REV3L: variants seen among roughly 807,000 people sequenced by gnomAD.
REV3L encodes DNA polymerase zeta catalytic subunit.
In REV3L, 69 loss-of-function variants were observed where a neutral mutation model predicts 299.4. The ratio of observed to expected loss-of-function variants is 0.23; its 90% CI spans 0.19 to 0.28. The LOEUF (loss-of-function observed/expected upper bound fraction) is 0.28. Among genes scored for constraint, REV3L ranks in the 10% least tolerant of loss-of-function variants. The pLI is 1.00. For synonymous variants in REV3L, 1,238 were observed against 1,271.4 expected (o/e 0.97, Z 0.56); for missense variants, 3,128 against 3,693.8 (o/e 0.85, Z 3.97).
At chr6:111,401,227 TTAAA>T (rs1309406720) in intron 4 of REV3L, among the ~76,000 whole-genome samples, 3 of 152,172 alleles carry the variant, frequency 2.0e-5, no homozygotes, top group African/African-American at 7.2e-5. Context: ...TCTCCATACT[TTAAA>T]AAAGGATTAT....
chr6:111,329,956 A>G (rs548771003), intron 24 of REV3L, among the ~76,000 whole-genome samples: 22 of 152,338 alleles, frequency 1.4e-4, no homozygotes, highest in African/African-American at 5.1e-4. Context: ...TTATAAATCT[A>G]ACAGAGCACT....
intron 1 of REV3L, among the ~76,000 whole-genome samples, chr6:111,419,907 C>T (rs374627462): frequency 1.3e-5 from 2 of 151,578 alleles, no homozygotes; most frequent in Non-Finnish European, 2.9e-5. Flanking sequence ...TGCAGTGTTG[C>T]GATCTCGGCT....
chr6:111,327,545 C>T (rs562616330), intron 25 of REV3L, among the ~76,000 whole-genome samples: 19 of 143,840 alleles, frequency 1.3e-4, no homozygotes, highest in Non-Finnish European at 2.1e-4. Flanking sequence ...TAAAGCAAGA[C>T]GCTGTTTCAA....
At chr6:111,336,389 A>G (rs551226036) in intron 21 of REV3L, among the ~76,000 whole-genome samples, 3 of 152,252 alleles carry the variant, frequency 2.0e-5, no homozygotes, top group Middle Eastern at 3.4e-3. Context: ...TTTTAGAACA[A>G]TATAGTCACA....
At chr6:111,358,326 C>T (rs1299774720) in intron 17 of REV3L, among the ~76,000 whole-genome samples, 1 of 151,912 alleles carries the variant, frequency 6.6e-6, no homozygotes, top group African/African-American at 2.4e-5. Flanking sequence ...AGACTGTGCA[C>T]CTAATCTAGG....
intron 9 of REV3L, among the ~76,000 whole-genome samples, chr6:111,384,164 G>C (rs1332909609): frequency 6.6e-6 from 1 of 152,100 alleles, no homozygotes; most frequent in Non-Finnish European, 1.5e-5. Flanking sequence ...AGAAAACATT[G>C]GGGAAACTCT....
intron 1 of REV3L, among the ~76,000 whole-genome samples, chr6:111,448,755 G>C (rs1425823595): frequency 6.6e-6 from 1 of 151,416 alleles, no homozygotes; most frequent in Non-Finnish European, 1.5e-5. Context: ...CCAGTGTATG[G>C]GACTACAGGA....
At chr6:111,392,743 T>C (rs1782066552) in intron 5 of REV3L, 133 bp downstream of exon 5, 2 of 549,744 alleles carry the variant, frequency 3.6e-6, no homozygotes, top group Non-Finnish European at 6.5e-6. Flanking sequence ...TGTCAAGGTT[T>C]GTTTCTGTTA....
intron 1 of REV3L, among the ~76,000 whole-genome samples, chr6:111,455,313 A>G (rs1190066746): frequency 6.6e-6 from 1 of 152,162 alleles, no homozygotes; most frequent in Non-Finnish European, 1.5e-5. Context: ...CCAGACACTG[A>G]ACACCTAGGA....
chr6:111,325,129 G>A (rs1774636691), intron 25 of REV3L, among the ~76,000 whole-genome samples: 4 of 152,148 alleles, frequency 2.6e-5, no homozygotes, highest in Admixed American at 2.6e-4. Flanking sequence ...CCAAAGTGCT[G>A]GGATTACAGG....
chr6:111,482,942 G>A lies in REV3L; in HGVS notation c.-54C>T. 4 of 1,464,054 alleles carry A rather than the reference G, an allele frequency of 2.7e-6. No individual in the cohort carries two copies. The highest frequency in any genetic ancestry group is 3.4e-5 in the Admixed American group (1 of 29,182). The allele number at this position is 1,464,054 out of a possible 1,614,324, so 90.7% of individuals were successfully genotyped here. A position where few individuals can be genotyped will look rare whatever the true frequency, so the allele number is the denominator to read the frequency against. On this transcript the variant is annotated 5_prime_UTR_variant, in exon 1 of 32. Transcript: ENST00000368802. ...CACTGGCGACCCGGCAGCGGCAGCA[G>A]CAGCGGCGGCGGCTCCCTCCGCAGC... is the stretch of plus-strand genomic sequence containing the variant.
intron 1 of REV3L, among the ~76,000 whole-genome samples, chr6:111,455,936 GAT>G (rs1432599090): frequency 6.6e-6 from 1 of 152,182 alleles, no homozygotes; most frequent in African/African-American, 2.4e-5. Context: ...GGTTCCTTAA[GAT>G]AGAGCATCAT....
intron 1 of REV3L, among the ~76,000 whole-genome samples, chr6:111,474,570 C>T (rs1792677402): frequency 6.6e-6 from 1 of 152,190 alleles, no homozygotes; most frequent in South Asian, 2.1e-4. Context: ...TGTTGGTTGT[C>T]ACTCACCATG....
intron 21 of REV3L, among the ~76,000 whole-genome samples, chr6:111,337,191 T>A (rs1180519018): frequency 3.3e-5 from 5 of 152,160 alleles, no homozygotes; most frequent in East Asian, 1.9e-4. Flanking sequence ...TGTGATGATG[T>A]TGTACAACTC....
At chr6:111,456,810 TAGAAG>T (rs1173282930) in intron 1 of REV3L, among the ~76,000 whole-genome samples, 2 of 152,156 alleles carry the variant, frequency 1.3e-5, no homozygotes, top group African/African-American at 4.8e-5. Flanking sequence ...GTAAATTTAA[TAGAAG>T]CGTATCTTGC....
At position 111,482,787 on chromosome 6, in the gene REV3L, C is replaced by T; in HGVS notation, c.102G>A (p.Lys34=). Residue 34 remains lysine, a synonymous_variant, in exon 1 of 32, where the codon AAG becomes AAA. Transcript: ENST00000368802. ...CTCCGAAGACTCGCACCACCGGCACCTTCTTGACAGGGGCCTGGGTGAGGG... is the reference window on the plus strand; with the variant it reads ...CTCCGAAGACTCGCACCACCGGCACTTTCTTGACAGGGGCCTGGGTGAGGG... ...QSPLTQAPVK[K]VPVVRVFGAT... The T allele has an allele frequency of 6.7e-7, 1 of 1,490,356 alleles. No homozygotes were observed. Among genetic ancestry groups the T allele is most frequent in the Non-Finnish European group, 8.9e-7 (1 of 1,120,278 alleles). 92.3% of individuals were successfully genotyped at this position (1,490,356 alleles called of 1,614,324 possible).
chr6:111,310,351 A>G (rs1488254896), intron 29 of REV3L: 3 of 299,290 alleles, frequency 1.0e-5, no homozygotes, highest in Non-Finnish European at 1.8e-5. Flanking sequence ...GAGTTGGCAG[A>G]TATCAACTAG....
intron 21 of REV3L, among the ~76,000 whole-genome samples, chr6:111,339,654 C>T (rs926856783): frequency 2.6e-5 from 4 of 152,130 alleles, no homozygotes; most frequent in Non-Finnish European, 5.9e-5. Context: ...GTAACAACTG[C>T]TGTTTTCTGA....
intron 3 of REV3L, among the ~76,000 whole-genome samples, chr6:111,410,324 A>C (rs921426483): frequency 6.6e-6 from 1 of 152,266 alleles, no homozygotes; most frequent in Non-Finnish European, 1.5e-5. Context: ...CTTACTGAGA[A>C]CAGTTTAGTG....
Sources: gnomAD v4.1 joint callset for allele counts (sites outside exome capture counted in the v4.1 genomes callset) on GRCh38, gnomAD v4.1.1 for gene constraint, MANE v1.5 for transcripts, NCBI Gene and HGNC (gene_info 2026-07-23, HGNC 2026-07-21) for gene names.